PCDHGB1: variants seen among roughly 807,000 people sequenced by gnomAD.
PCDHGB1 encodes the protein protocadherin gamma-B1.
In PCDHGB1, 34 loss-of-function variants were observed where a neutral mutation model predicts 56.6. That is an observed-to-expected ratio of 0.60 (90% CI 0.46 to 0.80). The LOEUF (loss-of-function observed/expected upper bound fraction) is 0.80. Ranked by LOEUF, PCDHGB1 falls within the 30% of genes least tolerant of loss-of-function variation. The probability of loss-of-function intolerance (pLI) is 0.00; values close to 1 mark genes in which losing one functional copy is unlikely to be tolerated. For missense variants in PCDHGB1, 1,278 were observed against 1,204.6 expected, an observed-to-expected ratio of 1.06 and a Z score of -0.90; for synonymous variants, 561 against 505.9, an observed-to-expected ratio of 1.11 and a Z score of -1.46.
Position 141,350,359 on chromosome 5 carries a change from C to T in PCDHGB1, c.99C>T (p.Tyr33=), listed in dbSNP as rs978022862. The T allele has an allele frequency of 6.4e-7, 1 of 1,570,278 alleles. No homozygotes were observed. The highest frequency in any genetic ancestry group is 8.6e-7 in the Non-Finnish European group (1 of 1,157,496). Residue 33 remains tyrosine, a synonymous_variant, in exon 1 of 4, where the codon TAC becomes TAT. Coordinates refer to ENST00000523390, the MANE Select transcript of PCDHGB1 (RefSeq NM_018922.3). The part of the protein sequence containing the change: ...FCGAISQQIR[Y]TIPEELANGS... ...GGGCCATCTCCCAGCAGATCCGATA[C>T]ACGATTCCAGAGGAGCTAGCCAACG...
intron 1 of PCDHGB1, chr5:141,413,082 A>G: frequency 7.4e-7 from 1 of 1,344,446 alleles, no homozygotes; most frequent in African/African-American, 1.5e-5. Context: ...CCCAGGCTAC[A>G]GAGACACCCT....
intron 1 of PCDHGB1, among the ~76,000 whole-genome samples, chr5:141,468,946 C>G: frequency 7.0e-6 from 1 of 141,900 alleles, no homozygotes; most frequent in Non-Finnish European, 1.5e-5. Context: ...ATGGGGTAAA[C>G]CTGTGGTTTT....
intron 1 of PCDHGB1, chr5:141,492,050 C>T (rs2099736541): frequency 4.0e-6 from 2 of 500,984 alleles, no homozygotes; most frequent in South Asian, 7.5e-5. Context: ...AGATCCACCC[C>T]TGCAGCCAGC....
In PCDHGB1 at chr5:141,360,397, G is replaced by A. The variant is rs776903612; in HGVS notation, c.2409+7728G>A. Reference sequence around the variant, plus strand: ...AGAAAGCGGAGACTTACTTGTGAGTGACAGAATAGACCGAGAACAGATATG... The same window carrying A: ...AGAAAGCGGAGACTTACTTGTGAGTAACAGAATAGACCGAGAACAGATATG... On this transcript the variant is annotated intron_variant, in intron 1 of 3. Coordinates refer to ENST00000523390, the MANE Select transcript of PCDHGB1 (RefSeq NM_018922.3). 4.3e-6 allele frequency: 7 copies of A among 1,613,928 alleles called. No individual in the cohort carries two copies. The highest frequency in any genetic ancestry group is 2.2e-5 in the East Asian group (1 of 44,868).
At chr5:141,412,935 G>T in intron 1 of PCDHGB1, 1 of 453,864 alleles carries the variant, frequency 2.2e-6, no homozygotes, top group East Asian at 3.4e-5. Flanking sequence ...AACTTCTTAG[G>T]ACTCTGAGCG....
chr5:141,506,815 A>G (rs2099856451), intron 3 of PCDHGB1, among the ~76,000 whole-genome samples: 1 of 152,214 alleles, frequency 6.6e-6, no homozygotes, highest in African/African-American at 2.4e-5. Flanking sequence ...GCATTGCCCT[A>G]TATCATGAAC....
chr5:141,393,959 T>G, intron 1 of PCDHGB1: 1 of 1,613,970 alleles, frequency 6.2e-7, no homozygotes, highest in Non-Finnish European at 8.5e-7. Flanking sequence ...ATGGTCAAGT[T>G]GTCTGTTACA....
chr5:141,451,593 C>A (rs2098719809), intron 1 of PCDHGB1, among the ~76,000 whole-genome samples: 1 of 152,042 alleles, frequency 6.6e-6, no homozygotes, highest in African/African-American at 2.4e-5. Context: ...TTGAAAGTGA[C>A]ATACAAGGCT....
rs1370450155 is a variant in PCDHGB1, at chr5:141,431,480, G to T, written c.2410-63327G>T. On this transcript the variant is annotated intron_variant, in intron 1 of 3. Coordinates refer to ENST00000523390, the MANE Select transcript of PCDHGB1 (RefSeq NM_018922.3). This position sits in a 1 kb window ranked among gnomAD's most constrained non-coding sequence, Gnocchi z 4.8. Reference sequence around the variant, plus strand: ...TCTGGATGCGAACGACAACGCACCAGCGTTTGCTCAGCCCGAGTACCGCGC... The same window carrying T: ...TCTGGATGCGAACGACAACGCACCATCGTTTGCTCAGCCCGAGTACCGCGC... 3 of 1,613,924 alleles carry T rather than the reference G, an allele frequency of 1.9e-6. No individual in the cohort carries two copies. Among genetic ancestry groups the T allele is most frequent in the Non-Finnish European group, 2.5e-6 (3 of 1,179,990 alleles).
At chr5:141,398,500 G>A (rs1366423528) in intron 1 of PCDHGB1, 1 of 1,607,950 alleles carries the variant, frequency 6.2e-7, no homozygotes, top group African/African-American at 1.4e-5. Context: ...GGAGATCGAG[G>A]ACATTAATGA....
chr5:141,499,533 G>T (rs2099792525), intron 2 of PCDHGB1, among the ~76,000 whole-genome samples: 1 of 152,086 alleles, frequency 6.6e-6, no homozygotes, highest in African/African-American at 2.4e-5. Flanking sequence ...AGAGAGAATG[G>T]TGTCATGAAC....
chr5:141,487,936 G>C lies in PCDHGB1; in HGVS notation c.2410-6871G>C. On this transcript the variant is annotated intron_variant, in intron 1 of 3. Coordinates refer to ENST00000523390, the MANE Select transcript of PCDHGB1 (RefSeq NM_018922.3). This position sits in a 1 kb window ranked among gnomAD's most constrained non-coding sequence, Gnocchi z 5.0. The stretch of plus-strand genomic sequence containing the variant: ...AGGAGGCTACAGTGCACAGGGTACA[G>C]TGCACCAGGCAGTCACTTGGACAAA... 4.9e-6 allele frequency: 3 copies of C among 607,906 alleles called. No homozygotes were observed. The highest frequency in any genetic ancestry group is 3.7e-5 in the African/African-American group (2 of 54,158). 37.7% of individuals were successfully genotyped at this position (607,906 alleles called of 1,614,324 possible). A position where few individuals can be genotyped will look rare whatever the true frequency, so the allele number is the denominator to read the frequency against.
intron 1 of PCDHGB1, chr5:141,419,409 A>G: frequency 6.2e-7 from 1 of 1,613,462 alleles, no homozygotes; most frequent in Non-Finnish European, 8.5e-7. Flanking sequence ...GTGTTCGCGC[A>G]GCGCGCCTTC....
At chr5:141,375,610 C>T (rs748991083) in intron 1 of PCDHGB1, 1 of 1,614,224 alleles carries the variant, frequency 6.2e-7, no homozygotes, top group South Asian at 1.1e-5. Flanking sequence ...CCATCAACTC[C>T]GACACTGGGA....
intron 1 of PCDHGB1, chr5:141,405,106 C>G: frequency 6.2e-7 from 1 of 1,613,964 alleles, no homozygotes; most frequent in Non-Finnish European, 8.5e-7. Flanking sequence ...GGCTGAGGCA[C>G]TGGCACTCCT....
At chr5:141,422,724 G>T (rs560544401) in intron 1 of PCDHGB1, 3 of 1,606,016 alleles carry the variant, frequency 1.9e-6, no homozygotes, top group Admixed American at 3.3e-5. Context: ...CTGTCCAGGG[G>T]GTGCCTCTGT....
Position 141,415,510 on chromosome 5 carries a change from T to C in PCDHGB1, c.2409+62841T>C, listed in dbSNP as rs780820182. On this transcript the variant is annotated intron_variant, in intron 1 of 3. Coordinates refer to ENST00000523390, the MANE Select transcript of PCDHGB1 (RefSeq NM_018922.3). ...TCACCTGATCTTCCCCCAGCCCAAT[T>C]ATGCGGACACGCTCATCAGCCAGGA... The C allele has an allele frequency of 2.5e-6, 4 of 1,614,088 alleles. No homozygotes were observed. The African/African-American group carries it at 5.3e-5, about 22-fold the overall frequency.
chr5:141,388,791 A>C (rs1247299397), intron 1 of PCDHGB1: 1 of 1,613,810 alleles, frequency 6.2e-7, no homozygotes, highest in Admixed American at 1.7e-5. Flanking sequence ...TACTGTTTTA[A>C]ATACATTAGA....
chr5:141,430,913 C>A (rs1485488693), intron 1 of PCDHGB1: 1 of 1,607,720 alleles, frequency 6.2e-7, no homozygotes, highest in East Asian at 2.2e-5. Context: ...CTCCAGGGAC[C>A]TGGGGCTGGA....
Sources: gnomAD v4.1 joint callset for allele counts (sites outside exome capture counted in the v4.1 genomes callset) on GRCh38, gnomAD v4.1.1 for gene constraint, Gnocchi (gnomAD v3.1) non-coding constraint, MANE v1.5 for transcripts, NCBI Gene and HGNC (gene_info 2026-07-23, HGNC 2026-07-21) for gene names.